Variants in ST18 observed in about 807,000 individuals in gnomAD.
ST18 encodes suppression of tumorigenicity 18 protein.
ST18 carries 50 observed loss-of-function variants against 110.0 expected under a neutral mutation model. That is an observed-to-expected ratio of 0.45 (90% CI 0.36 to 0.58). The LOEUF (loss-of-function observed/expected upper bound fraction) is 0.58, where lower values mean the gene tolerates loss of function less well. Ranked by LOEUF, ST18 falls within the 20% of genes least tolerant of loss-of-function variation. ST18 has a pLI of 0.00. For missense variants in ST18, 1,306 were observed against 1,280.1 expected, an observed-to-expected ratio of 1.02 and a Z score of -0.31; for synonymous variants, 461 against 452.4, an observed-to-expected ratio of 1.02 and a Z score of -0.24.
intron 2 of ST18, among the ~76,000 whole-genome samples, chr8:52,378,405 T>A (rs190794335): frequency 0.012 from 1,820 of 152,260 alleles, 27 homozygotes; most frequent in African/African-American, 0.041. Context: ...AAATTTTTTT[T>A]AAAAAAGAGC....
In ST18 at chr8:52,137,493, T is replaced by C. The variant is rs372843807; in HGVS notation, c.2169-10A>G. 1.9e-6 allele frequency: 3 copies of C among 1,613,972 alleles called. No homozygotes were observed. The Admixed American group carries it at 5.0e-5, about 27-fold the overall frequency. On this transcript the variant is annotated splice_polypyrimidine_tract_variant and intron_variant, in intron 17 of 25. Coordinates refer to ENST00000689386, the MANE Select transcript of ST18 (RefSeq NM_001352837.2). ...TCCTGGTGTTGGACAGCTGAGTCAA[T>C]AGAAAATACATCATTAGAGTCAAGC... is the stretch of plus-strand genomic sequence containing the variant.
chr8:52,368,457 A>T (rs1453191289), intron 2 of ST18, among the ~76,000 whole-genome samples: 1 of 152,234 alleles, frequency 6.6e-6, no homozygotes, highest in Non-Finnish European at 1.5e-5. Context: ...ACAATGATTA[A>T]AAGAATCAAT....
At chr8:52,270,195 A>C (rs1172062685) in intron 2 of ST18, among the ~76,000 whole-genome samples, 1 of 152,220 alleles carries the variant, frequency 6.6e-6, no homozygotes, top group Non-Finnish European at 1.5e-5. Flanking sequence ...ATTACATATA[A>C]AATTTTACCT....
intron 2 of ST18, among the ~76,000 whole-genome samples, chr8:52,320,324 C>T (rs1252475188): frequency 2.6e-5 from 4 of 151,880 alleles, no homozygotes; most frequent in Non-Finnish European, 5.9e-5. Context: ...AGGAAACCCA[C>T]AGGGCTGGAG....
At chr8:52,286,258 G>A (rs906378199) in intron 2 of ST18, among the ~76,000 whole-genome samples, 1 of 152,072 alleles carries the variant, frequency 6.6e-6, no homozygotes, top group Non-Finnish European at 1.5e-5. Context: ...AGCTTTAAAA[G>A]GAAATAACAT....
chr8:52,118,996 G>A (rs1461446753), intron 23 of ST18, among the ~76,000 whole-genome samples: 1 of 152,206 alleles, frequency 6.6e-6, no homozygotes, highest in East Asian at 1.9e-4. Flanking sequence ...GAGCTGCGGG[G>A]CTGCTGGCAG....
At chr8:52,187,772 C>T (rs978038089) in intron 8 of ST18, among the ~76,000 whole-genome samples, 3 of 152,032 alleles carry the variant, frequency 2.0e-5, no homozygotes, top group African/African-American at 4.8e-5. Context: ...CAATGGTATC[C>T]GTATGTACAT....
rs2040434728 is a variant in ST18, at chr8:52,111,171, T to C, written c.*2027A>G. The C allele has an allele frequency of 2.6e-6, 1 of 387,306 alleles. No homozygotes were observed. The highest frequency in any genetic ancestry group is 2.1e-5 in the African/African-American group (1 of 48,510). 24.0% of individuals were successfully genotyped at this position (387,306 alleles called of 1,614,324 possible). On this transcript the variant is annotated 3_prime_UTR_variant, in exon 26 of 26. Coordinates refer to ENST00000689386, the MANE Select transcript of ST18 (RefSeq NM_001352837.2). ...ATTAACCTGAAGTCATAGCAAATTA[T>C]AGTAATAAATATGTAGGTTGGTAAG...
intron 23 of ST18, among the ~76,000 whole-genome samples, chr8:52,120,362 T>C (rs11993286): frequency 0.039 from 5,937 of 152,300 alleles, 362 homozygotes; most frequent in African/African-American, 0.14. Context: ...TCAAAGAATG[T>C]TATTTTCTTA....
chr8:52,224,315 C>T (rs1256964103), intron 3 of ST18, among the ~76,000 whole-genome samples: 1 of 152,154 alleles, frequency 6.6e-6, no homozygotes, highest in Non-Finnish European at 1.5e-5. Context: ...GTATTTTCAA[C>T]ATAGCAAGAG....
At chr8:52,276,143 ATG>A (rs370092850) in intron 2 of ST18, among the ~76,000 whole-genome samples, 3,877 of 17,512 alleles carry the variant, frequency 0.22, 6 homozygotes, top group Middle Eastern at 0.29. Context: ...CACACACCAC[ATG>A]CACACCACGC....
intron 2 of ST18, among the ~76,000 whole-genome samples, chr8:52,283,777 G>C (rs2095425374): frequency 1.3e-5 from 2 of 152,172 alleles, no homozygotes; most frequent in Admixed American, 1.3e-4. Flanking sequence ...ATCCCTGGGA[G>C]GTGGTTAGAT....
In ST18 at chr8:52,251,737, A is replaced by G. The variant is rs557652836; in HGVS notation, c.-464-21660T>C. 6.6e-5 allele frequency among the ~76,000 whole-genome samples: 10 copies of G among 152,194 alleles called. No individual in the cohort carries two copies. The East Asian group carries it at 1.2e-3, about 18-fold the overall frequency. On this transcript the variant is annotated intron_variant, in intron 2 of 25. Transcript: ENST00000689386. ...TTTTCCAAATGAATTAATGAATTAA[A>G]TTTATCCTTTCACCAGCTGCTAGGC...
chr8:52,343,366 C>T (rs922886292), intron 2 of ST18, among the ~76,000 whole-genome samples: 1 of 152,164 alleles, frequency 6.6e-6, no homozygotes, highest in Admixed American at 6.5e-5. Context: ...TCCCTTCCTA[C>T]TTTATATGAG....
chr8:52,243,568 G>A (rs1007173392), intron 2 of ST18, among the ~76,000 whole-genome samples: 7 of 152,262 alleles, frequency 4.6e-5, no homozygotes, highest in African/African-American at 1.7e-4. Flanking sequence ...GTGACATAAG[G>A]AAGGGCATCT....
At chr8:52,318,887 T>TG (rs912778723) in intron 2 of ST18, among the ~76,000 whole-genome samples, 3 of 103,598 alleles carry the variant, frequency 2.9e-5, no homozygotes, top group Non-Finnish European at 3.9e-5. Context: ...CATGGACACA[T>TG]GGGGGGGTGG....
At chr8:52,295,488 G>A (rs1589691758) in intron 2 of ST18, among the ~76,000 whole-genome samples, 2 of 152,048 alleles carry the variant, frequency 1.3e-5, no homozygotes, top group African/African-American at 2.4e-5. Flanking sequence ...TAACAAAATG[G>A]ATCATTTGTA....
chr8:52,245,092 C>A (rs1209246781), intron 2 of ST18, among the ~76,000 whole-genome samples: 1 of 152,098 alleles, frequency 6.6e-6, no homozygotes, highest in Non-Finnish European at 1.5e-5. Context: ...AATGTTAAGA[C>A]TAATTCTCCA....
In ST18 at chr8:52,180,330, A is replaced by T; in HGVS notation, c.87-18T>A. ...AGGCAACACTGTAGTGATTGAGGAA[A>T]ATTAAGAATATGGTAAATTAGCATT... On this transcript the variant is annotated intron_variant, in intron 8 of 25. Coordinates refer to ENST00000689386, the MANE Select transcript of ST18 (RefSeq NM_001352837.2). 1.2e-6 allele frequency: 2 copies of T among 1,612,718 alleles called. No individual in the cohort carries two copies. The highest frequency in any genetic ancestry group is 1.7e-6 in the Non-Finnish European group (2 of 1,179,140).
Sources: allele counts gnomAD v4.1 joint callset (sites outside exome capture counted in the v4.1 genomes callset), GRCh38; gene constraint gnomAD v4.1.1; transcripts MANE v1.5; gene names NCBI Gene and HGNC (gene_info 2026-07-23, HGNC 2026-07-21).